HS6ST3: variants seen among roughly 807,000 people sequenced by gnomAD.
The protein encoded by HS6ST3 is heparan sulfate 6-O-sulfotransferase 3.
HS6ST3 carries 12 observed loss-of-function variants against 36.7 expected under a neutral mutation model. The ratio of observed to expected loss-of-function variants is 0.33; its 90% confidence interval spans 0.21 to 0.53. HS6ST3 has a LOEUF of 0.53. Ranked by LOEUF, HS6ST3 falls within the 20% of genes least tolerant of loss-of-function variation. HS6ST3 has a pLI of 0.95. For synonymous variants in HS6ST3, 240 were observed against 257.5 expected, an observed-to-expected ratio of 0.93 and a Z score of 0.65; for missense variants, 584 against 640.9, an observed-to-expected ratio of 0.91 and a Z score of 0.96.
At position 96,821,740 on chromosome 13, in the gene HS6ST3, A is replaced by G. The variant is rs944779587; in HGVS notation, c.708-10750A>G. ...AATGGAATCAGATTGGAATCTCACA[A>G]GTATTTTTGTTTAATATGCCAAAAT... On this transcript the variant is annotated intron_variant, in intron 1 of 1. Coordinates refer to ENST00000376705, the MANE Select transcript of HS6ST3 (RefSeq NM_153456.4). Among the ~76,000 whole-genome samples, 3 of 152,342 alleles carry G rather than the reference A, an allele frequency of 2.0e-5. No homozygotes were observed. In the Middle Eastern group the frequency reaches 0.01, roughly 518 times the overall value.
At chr13:96,632,455 T>C (rs2139001600) in intron 1 of HS6ST3, among the ~76,000 whole-genome samples, 1 of 152,292 alleles carries the variant, frequency 6.6e-6, no homozygotes, top group East Asian at 1.9e-4. Context: ...AACAGTTGTT[T>C]TGGGGGCTCC....
intron 1 of HS6ST3, among the ~76,000 whole-genome samples, chr13:96,535,557 CAAAAAAAAAA>C (rs5805976): frequency 8.0e-6 from 1 of 125,230 alleles, no homozygotes; most frequent in Non-Finnish European, 1.6e-5. Context: ...GACTCTGTTT[CAAAAAAAAAA>C]AAAAAAAAAT....
intron 1 of HS6ST3, among the ~76,000 whole-genome samples, chr13:96,725,606 T>G (rs1231359211): frequency 6.6e-6 from 1 of 152,154 alleles, no homozygotes; most frequent in African/African-American, 2.4e-5. Context: ...TTATTTATTT[T>G]TGCATAGGGA....
intron 1 of HS6ST3, among the ~76,000 whole-genome samples, chr13:96,271,444 A>G (rs2054719708): frequency 6.6e-6 from 1 of 151,916 alleles, no homozygotes; most frequent in African/African-American, 2.4e-5. Context: ...CCAGCACATC[A>G]CTGACAATCA....
At chr13:96,405,858 A>G (rs2055475787) in intron 1 of HS6ST3, among the ~76,000 whole-genome samples, 1 of 152,162 alleles carries the variant, frequency 6.6e-6, no homozygotes. Context: ...GAGTCATTCA[A>G]ATTCATAAAA....
In HS6ST3 at chr13:96,772,047, G is replaced by C. The variant is rs535005614; in HGVS notation, c.708-60443G>C. ...TCCACAGCATTTCAGCTTTGCTAAG[G>C]GATAGCAAAGGAAGCTATCTGGGTT... On this transcript the variant is annotated intron_variant, in intron 1 of 1. Coordinates refer to ENST00000376705, the MANE Select transcript of HS6ST3 (RefSeq NM_153456.4). Among the ~76,000 whole-genome samples, 9 of 152,238 alleles carry C rather than the reference G, an allele frequency of 5.9e-5. No individual in the cohort carries two copies. The East Asian group carries it at 1.7e-3, about 29-fold the overall frequency.
intron 1 of HS6ST3, chr13:96,574,327 C>A: frequency 2.6e-6 from 1 of 389,112 alleles, no homozygotes; most frequent in South Asian, 2.2e-5. Flanking sequence ...CACCTGAGTC[C>A]TTGCTCAGGA....
chr13:96,529,783 A>T (rs189034451), intron 1 of HS6ST3, among the ~76,000 whole-genome samples: 3 of 152,148 alleles, frequency 2.0e-5, no homozygotes, highest in African/African-American at 7.2e-5. Flanking sequence ...GCTTTCTTCT[A>T]TCAAATTATT....
intron 1 of HS6ST3, among the ~76,000 whole-genome samples, chr13:96,791,508 CA>C (rs746734172): frequency 1.6e-4 from 25 of 151,880 alleles, no homozygotes; most frequent in Non-Finnish European, 2.8e-4. Context: ...CACAAAAAAC[CA>C]TCAAACTTGA....
At chr13:96,371,889 C>T (rs549268746) in intron 1 of HS6ST3, among the ~76,000 whole-genome samples, 8 of 152,168 alleles carry the variant, frequency 5.3e-5, no homozygotes, top group Non-Finnish European at 8.8e-5. Flanking sequence ...TTCACCTGTT[C>T]GTGGACGCTT....
intron 1 of HS6ST3, among the ~76,000 whole-genome samples, chr13:96,160,677 T>G (rs1326154102): frequency 2.6e-5 from 4 of 152,204 alleles, no homozygotes; most frequent in Non-Finnish European, 5.9e-5. Context: ...CCTTATAGCT[T>G]GGGGCTATTC....
intron 1 of HS6ST3, among the ~76,000 whole-genome samples, chr13:96,356,652 C>T (rs562136658): frequency 6.6e-6 from 1 of 152,220 alleles, no homozygotes; most frequent in Admixed American, 6.5e-5. Context: ...TGATGTCATC[C>T]ACGCTTTTTT....
intron 1 of HS6ST3, among the ~76,000 whole-genome samples, chr13:96,323,221 A>G (rs141910417): frequency 3.3e-5 from 5 of 152,308 alleles, no homozygotes; most frequent in Admixed American, 2.0e-4. Flanking sequence ...TCAATGTAAC[A>G]TCTCCAAAAC....
chr13:96,620,859 A>C (rs2056492403), intron 1 of HS6ST3, among the ~76,000 whole-genome samples: 1 of 151,876 alleles, frequency 6.6e-6, no homozygotes, highest in Non-Finnish European at 1.5e-5. Context: ...TAAATAGGAA[A>C]TCTTGATGCC....
Position 96,439,994 on chromosome 13 carries a change from G to T in HS6ST3, c.707+348425G>T, listed in dbSNP as rs528955835. ...GGTGAATTGGCACCATTTCTAAAAG[G>T]CCTGGGGCTTATTTACTGATATGTT... On this transcript the variant is annotated intron_variant, in intron 1 of 1. Transcript: ENST00000376705. Among the ~76,000 whole-genome samples, 5 of 152,264 alleles carry T rather than the reference G, an allele frequency of 3.3e-5. No individual in the cohort carries two copies. The South Asian group carries it at 1.0e-3, about 32-fold the overall frequency.
chr13:96,831,631 A>ACCTC (rs1305641459), intron 1 of HS6ST3, among the ~76,000 whole-genome samples: 1 of 152,102 alleles, frequency 6.6e-6, no homozygotes, highest in African/African-American at 2.4e-5. Context: ...CAACCAACCT[A>ACCTC]CCTCATAATC....
chr13:96,697,057 C>T lies in HS6ST3; in HGVS notation c.708-135433C>T, dbSNP rs560549218. 2.3e-3 allele frequency among the ~76,000 whole-genome samples: 352 copies of T among 151,960 alleles called. 2 individuals are homozygous for T. Among genetic ancestry groups the T allele is most frequent in the African/African-American group, 7.3e-3 (301 of 41,422 alleles). ...AACAGATCACTTATAATAACTATAA[C>T]TATTATATTCAGGGAGATTTGAGAA... On this transcript the variant is annotated intron_variant, in intron 1 of 1. Coordinates refer to ENST00000376705, the MANE Select transcript of HS6ST3 (RefSeq NM_153456.4).
chr13:96,558,454 C>T, intron 1 of HS6ST3, among the ~76,000 whole-genome samples: 1 of 152,164 alleles, frequency 6.6e-6, no homozygotes, highest in East Asian at 1.9e-4. Context: ...AGGTAGATAA[C>T]AGTTATCACT....
chr13:96,198,518 C>T (rs996732418), intron 1 of HS6ST3, among the ~76,000 whole-genome samples: 3 of 152,214 alleles, frequency 2.0e-5, no homozygotes, highest in Non-Finnish European at 2.9e-5. Flanking sequence ...CCCAAGTCAT[C>T]TCTTGAATGC....
Sources: allele counts gnomAD v4.1 joint callset (sites outside exome capture counted in the v4.1 genomes callset), GRCh38; gene constraint gnomAD v4.1.1; transcripts MANE v1.5; gene names NCBI Gene and HGNC (gene_info 2026-07-23, HGNC 2026-07-21).